Variants in SMARCAL1 observed in about 807,000 individuals in gnomAD.
The protein encoded by SMARCAL1 is ATP-driven annealing helicase.
SMARCAL1 carries 58 observed loss-of-function variants against 94.5 expected under a neutral mutation model. The observed-to-expected ratio is 0.61, with a 90% CI of 0.50 to 0.76. The LOEUF is 0.76. SMARCAL1 is among the 30% of genes least tolerant of loss of function. The probability of loss-of-function intolerance (pLI) is 0.00; values close to 1 mark genes in which losing one functional copy is unlikely to be tolerated. For synonymous variants in SMARCAL1, 422 were observed against 455.1 expected (o/e 0.93, Z 0.93); for missense variants, 1,051 against 1,177.9 (o/e 0.89, Z 1.58).
chr2:216,428,153 A>G (rs1693879332), intron 6 of SMARCAL1, among the ~76,000 whole-genome samples: 1 of 152,210 alleles, frequency 6.6e-6, no homozygotes. Flanking sequence ...ACAGCAGGCT[A>G]TGGTTAGTGA....
intron 10 of SMARCAL1, among the ~76,000 whole-genome samples, chr2:216,445,729 T>C (rs1423735240): frequency 6.6e-6 from 1 of 152,188 alleles, no homozygotes; most frequent in Non-Finnish European, 1.5e-5. Flanking sequence ...CCTAGGTAAT[T>C]GAACTGTGGA....
chr2:216,429,324 T>G (rs972505319), intron 7 of SMARCAL1, among the ~76,000 whole-genome samples: 4 of 152,220 alleles, frequency 2.6e-5, no homozygotes, highest in Admixed American at 2.0e-4. Context: ...TTGATTAGAC[T>G]TGGTGATAGG....
chr2:216,425,707 T>G (rs1229301297), intron 6 of SMARCAL1, among the ~76,000 whole-genome samples: 1 of 152,060 alleles, frequency 6.6e-6, no homozygotes, highest in Non-Finnish European at 1.5e-5. Context: ...CAGCTCTTAG[T>G]GGAGAGGGGA....
intron 12 of SMARCAL1, among the ~76,000 whole-genome samples, chr2:216,463,477 A>T (rs916696573): frequency 6.6e-6 from 1 of 151,140 alleles, no homozygotes; most frequent in Non-Finnish European, 1.5e-5. Context: ...CCCACTTCCC[A>T]CCACCACTGC....
chr2:216,451,413 T>C (rs1694447133), intron 12 of SMARCAL1: 10 of 334,430 alleles, frequency 3.0e-5, no homozygotes, highest in South Asian at 2.7e-4. Flanking sequence ...TAACAGTTGT[T>C]AGAAAATTAG....
rs1574443421 is a variant in SMARCAL1, at chr2:216,415,173, A to C, written c.469A>C (p.Thr157Pro). 6.2e-7 allele frequency: 1 copy of C among 1,613,594 alleles called. No homozygotes were observed. Among genetic ancestry groups the C allele is most frequent in the East Asian group, 2.2e-5 (1 of 44,886 alleles). ...TCAGGCTTCACCTGAGATCAGGTTC[A>C]CACCCTTTGCTAACCCAACTCATAA... ...HAQASPEIRF[T>P]PFANPTHKPL... Residue 157 changes from threonine (T) to proline (P), a missense_variant, in exon 3 of 18, where the codon ACA becomes CCA. Thr to Pro is a conservative substitution (Grantham distance 38). This residue lies in a region of SMARCAL1 where 398 missense variants were observed against 395.2 expected (regional missense o/e 1.01). Transcript: ENST00000357276.
intron 10 of SMARCAL1, among the ~76,000 whole-genome samples, chr2:216,439,662 C>A (rs905969024): frequency 1.3e-5 from 2 of 152,178 alleles, no homozygotes; most frequent in Non-Finnish European, 1.5e-5. Flanking sequence ...ACGTAAGTGT[C>A]CACTCATTTC....
intron 10 of SMARCAL1, among the ~76,000 whole-genome samples, chr2:216,439,074 C>T (rs879399913): frequency 2.0e-5 from 3 of 152,156 alleles, no homozygotes; most frequent in Non-Finnish European, 4.4e-5. Flanking sequence ...CCCTGAGCCT[C>T]TTTGGTTGAC....
intron 6 of SMARCAL1, among the ~76,000 whole-genome samples, chr2:216,428,121 C>A (rs572493501): frequency 5.9e-5 from 9 of 152,242 alleles, no homozygotes; most frequent in Admixed American, 3.3e-4. Flanking sequence ...GGAAGAACAT[C>A]CTGAAAGTGA....
rs1031762483 is a variant in SMARCAL1, at chr2:216,465,722, C to G, written c.2141+1055C>G. Among the ~76,000 whole-genome samples the G allele has an allele frequency of 4.0e-5, 6 of 151,862 alleles. 1 individual carries two copies. Among genetic ancestry groups the G allele is most frequent in the Non-Finnish European group, 8.8e-5 (6 of 68,010 alleles). On this transcript the variant is annotated intron_variant, in intron 13 of 17. Coordinates refer to ENST00000357276, the MANE Select transcript of SMARCAL1 (RefSeq NM_014140.4). ...TTTTGTTTAACATTCATGTGATGCTCTGGCAGGATAATGGTCCAACTGATG... is the reference window on the plus strand; with the variant it reads ...TTTTGTTTAACATTCATGTGATGCTGTGGCAGGATAATGGTCCAACTGATG...
intron 12 of SMARCAL1, among the ~76,000 whole-genome samples, chr2:216,456,346 G>A (rs1297259072): frequency 7.9e-5 from 12 of 152,184 alleles, no homozygotes; most frequent in South Asian, 2.1e-4. Flanking sequence ...TACAGAGAAC[G>A]CCACAAAGAT....
intron 17 of SMARCAL1, among the ~76,000 whole-genome samples, chr2:216,479,494 G>A (rs995611926): frequency 6.6e-6 from 1 of 151,320 alleles, no homozygotes; most frequent in African/African-American, 2.4e-5. Context: ...AAATCTTATC[G>A]TTGACACCAA....
intron 14 of SMARCAL1, among the ~76,000 whole-genome samples, chr2:216,470,838 C>CAAAAAAAAAAAAA (rs55763206): frequency 4.2e-5 from 2 of 48,070 alleles, no homozygotes; most frequent in Non-Finnish European, 6.6e-5. Context: ...AAGAACATCT[C>CAAAAAAAAAAAAA]AAAAAAAAAA....
At chr2:216,434,921 C>T (rs190655995) in intron 8 of SMARCAL1, among the ~76,000 whole-genome samples, 182 of 149,698 alleles carry the variant, frequency 1.2e-3, no homozygotes, top group Non-Finnish European at 2.1e-3. Flanking sequence ...TGCAATGGCG[C>T]GATCTCGTCT....
At chr2:216,424,472 C>G (rs1693788508) in intron 6 of SMARCAL1, among the ~76,000 whole-genome samples, 2 of 152,174 alleles carry the variant, frequency 1.3e-5, no homozygotes, top group South Asian at 2.1e-4. Flanking sequence ...CCTCCCAAAC[C>G]AAGGAAGGAG....
Position 216,447,125 on chromosome 2 carries a change from T to G in SMARCAL1, c.1818T>G (p.His606Gln). The change falls in exon 11 of 18, where the codon CAT (histidine) becomes CAG (glutamine). Residue 606 changes from histidine to glutamine, a missense_variant. Transcript: ENST00000357276. ...AVKPTFFPQF[H>Q]AFGLRYCDAK... Reference sequence around the variant, plus strand: ...AGCCAACTTTCTTCCCCCAGTTTCATGCCTTTGGACTTCGCTACTGTGATG... The same window carrying G: ...AGCCAACTTTCTTCCCCCAGTTTCAGGCCTTTGGACTTCGCTACTGTGATG... The G allele has an allele frequency of 6.2e-7, 1 of 1,614,104 alleles. No individual in the cohort carries two copies. Among genetic ancestry groups the G allele is most frequent in the Non-Finnish European group, 8.5e-7 (1 of 1,180,026 alleles).
chr2:216,446,389 A>G (rs1694315280), intron 10 of SMARCAL1, among the ~76,000 whole-genome samples: 1 of 152,258 alleles, frequency 6.6e-6, no homozygotes, highest in Admixed American at 6.5e-5. Flanking sequence ...GGCTTGAAGC[A>G]TTGTGAAGCT....
chr2:216,467,828 A>G (rs1275613496), intron 13 of SMARCAL1, 116 bp from the exon 14 acceptor site: 5 of 737,324 alleles, frequency 6.8e-6, no homozygotes, highest in Non-Finnish European at 1.2e-5. Flanking sequence ...TAAAGTGAAA[A>G]CTGTTGATCA....
At chr2:216,423,717 C>T in intron 6 of SMARCAL1, 34 bp downstream of exon 6, 2 of 1,552,550 alleles carry the variant, frequency 1.3e-6, no homozygotes, top group Non-Finnish European at 1.8e-6. Flanking sequence ...TTATATCATG[C>T]TATTGTTAAG....
Sources: allele counts gnomAD v4.1 joint callset (sites outside exome capture counted in the v4.1 genomes callset), GRCh38; gene constraint gnomAD v4.1.1; regional missense constraint gnomAD v4.1.1; transcripts MANE v1.5; gene names NCBI Gene and HGNC (gene_info 2026-07-23, HGNC 2026-07-21).